SPATA31H1: variants seen among roughly 807,000 people sequenced by gnomAD.
SPATA31H1 encodes the protein spermatogenesis-associated protein 31H1.
the SPATA31H1 span, among the ~76,000 whole-genome samples, chr2:27,561,524 C>G: frequency 9.2e-5 from 14 of 152,088 alleles, no homozygotes; most frequent in African/African-American, 3.4e-4. Flanking sequence ...GTTTATTTTT[C>G]TGAAGTTTTC....
chr2:27,565,557 C>G, the SPATA31H1 span: 2 of 613,962 alleles, frequency 3.3e-6, no homozygotes, highest in African/African-American at 3.7e-5. Flanking sequence ...TGTATGTATA[C>G]GGCTCCATAA....
At chr2:27,543,888 C>T in the SPATA31H1 span, among the ~76,000 whole-genome samples, 1 of 151,954 alleles carries the variant, frequency 6.6e-6, no homozygotes, top group Non-Finnish European at 1.5e-5. Context: ...CTGTCTCAAC[C>T]CTCTGGCACG....
chr2:27,564,039 A>G, the SPATA31H1 span, among the ~76,000 whole-genome samples: 3 of 152,146 alleles, frequency 2.0e-5, no homozygotes, highest in African/African-American at 7.2e-5. Flanking sequence ...TTTAATTTCC[A>G]AGGAGATTTA....
the SPATA31H1 span, chr2:27,567,056 T>G: frequency 2.8e-6 from 2 of 717,252 alleles, no homozygotes; most frequent in African/African-American, 3.5e-5. Context: ...AATCAAAAAT[T>G]TTTCAGAATT....
chr2:27,579,385 C>G, the SPATA31H1 span: 1 of 1,614,218 alleles, frequency 6.2e-7, no homozygotes, highest in Non-Finnish European at 8.5e-7. Context: ...CTGATGGAAC[C>G]TTCCCAGAGC....
At chr2:27,572,546 C>T in the SPATA31H1 span, 13 of 397,938 alleles carry the variant, frequency 3.3e-5, no homozygotes, top group Non-Finnish European at 5.8e-5. Flanking sequence ...GTGTAAAAAC[C>T]TCTGAGTTGT....
the SPATA31H1 span, chr2:27,580,398 G>A: frequency 1.9e-6 from 3 of 1,614,042 alleles, no homozygotes; most frequent in South Asian, 3.3e-5. Context: ...TGAAAAACGG[G>A]CTAAAGTGAG....
the SPATA31H1 span, chr2:27,582,136 G>C: frequency 6.2e-7 from 1 of 1,614,088 alleles, no homozygotes; most frequent in Non-Finnish European, 8.5e-7. Flanking sequence ...AGCCACCTCA[G>C]TCCCTTGGAA....
the SPATA31H1 span, chr2:27,573,630 A>C: frequency 2.5e-6 from 1 of 398,458 alleles, no homozygotes; most frequent in Non-Finnish European, 4.4e-6. Context: ...CTGTGATATA[A>C]AATCTATGGC....
chr2:27,547,965 T>A, the SPATA31H1 span, among the ~76,000 whole-genome samples: 1 of 149,656 alleles, frequency 6.7e-6, no homozygotes, highest in Non-Finnish European at 1.5e-5. Context: ...TGCCAAAAAA[T>A]TTAATAGTAA....
At chr2:27,543,305 T>A in the SPATA31H1 span, among the ~76,000 whole-genome samples, 3 of 152,086 alleles carry the variant, frequency 2.0e-5, no homozygotes, top group Non-Finnish European at 4.4e-5. Flanking sequence ...TCATAAGTTA[T>A]TTTAGATAAA....
At chr2:27,549,025 A>T in the SPATA31H1 span, among the ~76,000 whole-genome samples, 1 of 148,742 alleles carries the variant, frequency 6.7e-6, no homozygotes. Flanking sequence ...ATGAGCTGAG[A>T]TCACGCCACT....
chr2:27,579,385 C>T, the SPATA31H1 span: 1 of 1,614,100 alleles, frequency 6.2e-7, no homozygotes, highest in African/African-American at 1.3e-5. Context: ...CTGATGGAAC[C>T]TTCCCAGAGC....
At chr2:27,581,592 TCC>T in the SPATA31H1 span, 1 of 1,465,526 alleles carries the variant, frequency 6.8e-7, no homozygotes, top group Admixed American at 2.1e-5. Flanking sequence ...TCGCAGTCCC[TCC>T]CAGAGGAGCC....
chr2:27,549,894 CA>C, the SPATA31H1 span, among the ~76,000 whole-genome samples: 1 of 151,930 alleles, frequency 6.6e-6, no homozygotes, highest in African/African-American at 2.4e-5. Flanking sequence ...TGGCCTCAAG[CA>C]ATCCTCTCAC....
At chr2:27,550,986 T>C in the SPATA31H1 span, among the ~76,000 whole-genome samples, 1 of 152,010 alleles carries the variant, frequency 6.6e-6, no homozygotes, top group South Asian at 2.1e-4. Flanking sequence ...GCCTGCTGGA[T>C]TCAAGTGATT....
chr2:27,553,326 A>T, the SPATA31H1 span, among the ~76,000 whole-genome samples: 1 of 152,056 alleles, frequency 6.6e-6, no homozygotes, highest in South Asian at 2.1e-4. Context: ...AAGAAGACCA[A>T]CAGCCTTCTC....
At chr2:27,552,159 G>A in the SPATA31H1 span, among the ~76,000 whole-genome samples, 1 of 151,998 alleles carries the variant, frequency 6.6e-6, no homozygotes, top group Non-Finnish European at 1.5e-5. Context: ...GCTTAGCCAA[G>A]TTGACATGAA....
chr2:27,554,864 G>T, the SPATA31H1 span, among the ~76,000 whole-genome samples: 36 of 152,040 alleles, frequency 2.4e-4, no homozygotes, highest in Admixed American at 1.1e-3. Flanking sequence ...GTGAGCCACC[G>T]TGCCCAGTCC....
Sources: allele counts gnomAD v4.1 joint callset (sites outside exome capture counted in the v4.1 genomes callset), GRCh38; gene constraint gnomAD v4.1.1; transcripts MANE v1.5; gene names NCBI Gene and HGNC (gene_info 2026-07-23, HGNC 2026-07-21).